XKR9: variants seen among roughly 807,000 people sequenced by gnomAD.
XKR9 encodes XK-related protein 9.
Under a neutral mutation model 32.0 loss-of-function variants are expected in XKR9, and 32 were observed. The observed-to-expected ratio is 1.00, with a 90% confidence interval of 0.76 to 1.34. XKR9 has a LOEUF of 1.34. Among genes scored for constraint, XKR9 ranks in the 40% most tolerant of loss-of-function variants. The pLI is 0.00. For synonymous variants in XKR9, 168 were observed against 143.4 expected, an observed-to-expected ratio of 1.17 and a Z score of -1.22; for missense variants, 546 against 429.7, an observed-to-expected ratio of 1.27 and a Z score of -2.39.
chr8:70,793,109 G>A (rs145326782), downstream of XKR9, among the ~76,000 whole-genome samples: 505 of 152,116 alleles, frequency 3.3e-3, 4 homozygotes, highest in African/African-American at 0.011. Context: ...TGTTGTATAT[G>A]GTGTGAGGTA....
chr8:70,832,553 AG>A, the XKR9 span, among the ~76,000 whole-genome samples: 6 of 152,226 alleles, frequency 3.9e-5, no homozygotes, highest in Non-Finnish European at 8.8e-5. Flanking sequence ...TTGTTGTAGC[AG>A]GGTTTTCAAC....
intron 3 of XKR9, 128 bp downstream of exon 3, chr8:70,681,458 C>A: frequency 8.7e-7 from 1 of 1,146,578 alleles, no homozygotes; most frequent in Non-Finnish European, 1.2e-6. Flanking sequence ...AGGTTACTTG[C>A]TCCTCACTAT....
chr8:70,828,199 C>A, the XKR9 span, among the ~76,000 whole-genome samples: 1 of 152,098 alleles, frequency 6.6e-6, no homozygotes, highest in African/African-American at 2.4e-5. Flanking sequence ...GTTTGTTGCC[C>A]TTTTAAGGGT....
chr8:70,969,941 A>G, the XKR9 span, among the ~76,000 whole-genome samples: 129 of 152,138 alleles, frequency 8.5e-4, no homozygotes, highest in African/African-American at 2.5e-3. Context: ...CCATTGTTTC[A>G]TCTTTATGCC....
At chr8:70,706,857 C>G in intron 3 of XKR9, 76 bp from the exon 4 acceptor site, 5 of 1,116,666 alleles carry the variant, frequency 4.5e-6, no homozygotes, top group Non-Finnish European at 6.2e-6. Flanking sequence ...TTCCTTTTTC[C>G]AAATTATTAT....
At chr8:70,757,809 A>G (rs1443630533) in intron 2 of XKR9, among the ~76,000 whole-genome samples, 1 of 151,884 alleles carries the variant, frequency 6.6e-6, no homozygotes, top group East Asian at 1.9e-4. Flanking sequence ...CTGGTCTCGA[A>G]CTCCTTACCT....
the XKR9 span, among the ~76,000 whole-genome samples, chr8:70,807,177 A>C: frequency 6.6e-6 from 1 of 152,184 alleles, no homozygotes; most frequent in East Asian, 1.9e-4. Context: ...CTTCATAAGC[A>C]ATGGAGAAAT....
the XKR9 span, among the ~76,000 whole-genome samples, chr8:71,033,044 A>G: frequency 6.6e-6 from 1 of 151,496 alleles, no homozygotes; most frequent in Non-Finnish European, 1.5e-5. Flanking sequence ...AGATCGTGCC[A>G]TTGCACTCCA....
At chr8:71,063,694 C>CAA in the XKR9 span, among the ~76,000 whole-genome samples, 1 of 151,490 alleles carries the variant, frequency 6.6e-6, no homozygotes, top group Admixed American at 6.6e-5. Context: ...GTGCTTTCCA[C>CAA]AAAAAAAAAT....
At chr8:70,975,695 T>C in the XKR9 span, among the ~76,000 whole-genome samples, 8 of 152,354 alleles carry the variant, frequency 5.3e-5, no homozygotes, top group South Asian at 1.7e-3. Context: ...AGCTTTGTCC[T>C]TTTTGCTTAG....
intron 2 of XKR9, among the ~76,000 whole-genome samples, chr8:70,748,219 C>T (rs1167247152): frequency 6.6e-6 from 1 of 152,212 alleles, no homozygotes; most frequent in Non-Finnish European, 1.5e-5. Flanking sequence ...CCAGCAGGAG[C>T]AGGTGGGAGC....
At chr8:71,039,947 GAT>G in the XKR9 span, among the ~76,000 whole-genome samples, 1 of 152,090 alleles carries the variant, frequency 6.6e-6, no homozygotes, top group Non-Finnish European at 1.5e-5. Context: ...AAGAATCATT[GAT>G]TGTTTTGTAA....
chr8:70,808,438 G>T, the XKR9 span, among the ~76,000 whole-genome samples: 5 of 152,066 alleles, frequency 3.3e-5, no homozygotes, highest in Non-Finnish European at 7.4e-5. Context: ...GGGGATTGTT[G>T]GACAGTGGGT....
At chr8:70,977,627 C>A in the XKR9 span, among the ~76,000 whole-genome samples, 1 of 152,148 alleles carries the variant, frequency 6.6e-6, no homozygotes, top group Non-Finnish European at 1.5e-5. Context: ...TGTTATTTTA[C>A]ATTTGCTGAG....
At chr8:70,860,318 TCTTTATG>T in the XKR9 span, among the ~76,000 whole-genome samples, 1 of 152,024 alleles carries the variant, frequency 6.6e-6, no homozygotes, top group Non-Finnish European at 1.5e-5. Context: ...TAGCTAGCTC[TCTTTATG>T]CCATGTGAAG....
At chr8:70,784,410 A>AT (rs34801661) in intron 2 of XKR9, among the ~76,000 whole-genome samples, 1 of 151,396 alleles carries the variant, frequency 6.6e-6, no homozygotes, top group Admixed American at 6.6e-5. Context: ...TAGTGTACAG[A>AT]TTTTTTTTAC....
the XKR9 span, among the ~76,000 whole-genome samples, chr8:71,021,562 G>A: frequency 2.0e-5 from 3 of 148,054 alleles, no homozygotes; most frequent in Non-Finnish European, 3.0e-5. Flanking sequence ...GGGTGCAGTG[G>A]CGCGATCTCG....
the XKR9 span, among the ~76,000 whole-genome samples, chr8:70,931,859 C>G: frequency 5.3e-5 from 8 of 152,162 alleles, no homozygotes; most frequent in Admixed American, 1.3e-4. Flanking sequence ...TAGTGCTATG[C>G]CATTAATGAG....
intron 4 of XKR9, among the ~76,000 whole-genome samples, chr8:70,719,496 G>A (rs1271540474): frequency 1.3e-5 from 2 of 152,134 alleles, no homozygotes; most frequent in East Asian, 1.9e-4. Flanking sequence ...GTTTAAGGAA[G>A]GGATCAAGTT....
Sources: gnomAD v4.1 joint callset for allele counts (sites outside exome capture counted in the v4.1 genomes callset) on GRCh38, gnomAD v4.1.1 for gene constraint, MANE v1.5 for transcripts, NCBI Gene and HGNC (gene_info 2026-07-23, HGNC 2026-07-21) for gene names.